Variants in SNTG1 observed in about 807,000 individuals in gnomAD.
SNTG1 encodes syntrophin gamma 1.
SNTG1 carries 39 observed loss-of-function variants against 74.7 expected under a neutral mutation model. That is an observed-to-expected ratio of 0.52 (90% CI 0.40 to 0.68). The LOEUF is 0.68. SNTG1 is among the 30% of genes least tolerant of loss of function. SNTG1 has a pLI of 0.00. For synonymous variants in SNTG1, 254 were observed against 217.1 expected (o/e 1.17, Z -1.49); for missense variants, 685 against 609.5 (o/e 1.12, Z -1.30).
chr8:50,127,266 G>T (rs922602592), intron 1 of SNTG1, among the ~76,000 whole-genome samples: 1 of 152,124 alleles, frequency 6.6e-6, no homozygotes, highest in Admixed American at 6.6e-5. Flanking sequence ...CATTTACTGT[G>T]ACTTTTAGTA....
At chr8:50,689,381 G>A (rs563923165) in intron 15 of SNTG1, among the ~76,000 whole-genome samples, 6 of 152,028 alleles carry the variant, frequency 3.9e-5, no homozygotes, top group Non-Finnish European at 7.4e-5. Context: ...ATTGGCTGTG[G>A]GTTTGTCATA....
chr8:50,052,556 A>G (rs2130885688), intron 1 of SNTG1, among the ~76,000 whole-genome samples: 1 of 152,248 alleles, frequency 6.6e-6, no homozygotes, highest in Middle Eastern at 3.4e-3. Flanking sequence ...CAAGGAAAAA[A>G]TTTAAAAGTA....
chr8:50,112,741 T>G (rs2080648720), intron 1 of SNTG1, among the ~76,000 whole-genome samples: 1 of 152,054 alleles, frequency 6.6e-6, no homozygotes, highest in African/African-American at 2.4e-5. Context: ...CAGGCTGGTC[T>G]CAAGTGATCC....
intron 1 of SNTG1, among the ~76,000 whole-genome samples, chr8:49,981,354 G>T (rs1812662472): frequency 1.3e-5 from 2 of 152,140 alleles, no homozygotes; most frequent in African/African-American, 4.8e-5. Context: ...GTCTTCTAAG[G>T]CCTCAGGCTC....
At chr8:50,487,408 A>T (rs560420217) in intron 8 of SNTG1, among the ~76,000 whole-genome samples, 1 of 152,272 alleles carries the variant, frequency 6.6e-6, no homozygotes, top group South Asian at 2.1e-4. Context: ...TTGTGGCATT[A>T]TTCACAATAG....
rs182226488 is a variant in SNTG1 at position 50,784,340 on chromosome 8, G to A, written c.1396-8331G>A. Among the ~76,000 whole-genome samples the A allele has an allele frequency of 5.1e-3, 775 of 151,858 alleles. 6 individuals are homozygous for A. The highest frequency in any genetic ancestry group is 0.01 in the Middle Eastern group (3 of 294). On this transcript the variant is annotated intron_variant, in intron 18 of 18. Coordinates refer to ENST00000642720, the MANE Select transcript of SNTG1 (RefSeq NM_018967.5). ...CACACATGTAGGTTGCAAATAAAAG[G>A]ATACAAATATATATATCTTGTATAT...
chr8:50,698,411 G>A (rs1563757401), intron 15 of SNTG1, among the ~76,000 whole-genome samples: 1 of 152,072 alleles, frequency 6.6e-6, no homozygotes, highest in Non-Finnish European at 1.5e-5. Flanking sequence ...AGCTGCCCCA[G>A]GCCTTAGGAG....
intron 2 of SNTG1, among the ~76,000 whole-genome samples, chr8:50,239,930 C>G (rs1022118114): frequency 1.3e-5 from 2 of 152,140 alleles, no homozygotes; most frequent in African/African-American, 4.8e-5. Flanking sequence ...ATTTAAAAAT[C>G]CCAATTCTCC....
At chr8:50,216,453 GC>G (rs2084796966) in intron 2 of SNTG1, among the ~76,000 whole-genome samples, 1 of 152,182 alleles carries the variant, frequency 6.6e-6, no homozygotes, top group South Asian at 2.1e-4. Flanking sequence ...TAAGAGTCTG[GC>G]ATGAGGGAAA....
chr8:50,283,574 C>A (rs1413918240), intron 2 of SNTG1, among the ~76,000 whole-genome samples: 1 of 152,124 alleles, frequency 6.6e-6, no homozygotes, highest in Non-Finnish European at 1.5e-5. Context: ...TCAATTCCAG[C>A]ATCCTTTAGT....
chr8:50,641,320 C>T lies in SNTG1; in HGVS notation c.850-15589C>T, dbSNP rs190797405. ...CAAAAGATAATTCTGCTTCCTGCTT[C>T]ATTGAGAAAATTGAAGCAATCGGAG... On this transcript the variant is annotated intron_variant, in intron 13 of 18. Coordinates refer to ENST00000642720, the MANE Select transcript of SNTG1 (RefSeq NM_018967.5). Among the ~76,000 whole-genome samples the T allele has an allele frequency of 7.9e-4, 120 of 152,294 alleles. 2 individuals carry two copies. Among genetic ancestry groups the T allele is most frequent in the Admixed American group, 2.5e-3 (38 of 15,294 alleles).
At chr8:50,111,759 G>A in intron 1 of SNTG1, among the ~76,000 whole-genome samples, 1 of 152,156 alleles carries the variant, frequency 6.6e-6, no homozygotes, top group Admixed American at 6.5e-5. Flanking sequence ...CTAGGAAACT[G>A]AAATTATGAG....
In SNTG1 at chr8:50,222,383, G is replaced by A. The variant is rs192731269; in HGVS notation, c.-28+49748G>A. ...AGGAATGACCAAGGGTAGTTTGGAG[G>A]TTAAAGGCACATCTCTTTCACTGTC... On this transcript the variant is annotated intron_variant, in intron 2 of 18. Coordinates refer to ENST00000642720, the MANE Select transcript of SNTG1 (RefSeq NM_018967.5). Among the ~76,000 whole-genome samples the A allele has an allele frequency of 1.6e-3, 241 of 152,210 alleles. 1 individual carries two copies. Among genetic ancestry groups the A allele is most frequent in the African/African-American group, 5.6e-3 (231 of 41,558 alleles).
At chr8:50,226,889 T>C (rs1015905989) in intron 2 of SNTG1, among the ~76,000 whole-genome samples, 4 of 152,210 alleles carry the variant, frequency 2.6e-5, no homozygotes, top group Non-Finnish European at 4.4e-5. Context: ...AGTTTGACTC[T>C]TTTCATCAAC....
intron 9 of SNTG1, among the ~76,000 whole-genome samples, chr8:50,518,177 G>A (rs778211443): frequency 6.6e-6 from 1 of 152,120 alleles, no homozygotes; most frequent in East Asian, 1.9e-4. Context: ...CAACTACATG[G>A]AAAATGAACA....
At chr8:50,167,337 A>C (rs1282896235) in intron 1 of SNTG1, among the ~76,000 whole-genome samples, 1 of 146,854 alleles carries the variant, frequency 6.8e-6, no homozygotes, top group African/African-American at 2.6e-5. Flanking sequence ...ATAAAATAAA[A>C]AAAAAAATCT....
At chr8:50,209,117 C>G (rs1006287025) in intron 2 of SNTG1, among the ~76,000 whole-genome samples, 2 of 152,176 alleles carry the variant, frequency 1.3e-5, no homozygotes, top group East Asian at 3.9e-4. Flanking sequence ...TGGAGCCTCA[C>G]TCACTGCTAG....
intron 4 of SNTG1, among the ~76,000 whole-genome samples, chr8:50,430,660 G>A (rs1269087778): frequency 1.3e-5 from 2 of 152,138 alleles, no homozygotes; most frequent in Non-Finnish European, 2.9e-5. Flanking sequence ...CAGAAATGTG[G>A]TCTTGGTTGG....
At chr8:50,734,721 TTATATATCTATATATATGGA>T (rs2095521477) in intron 17 of SNTG1, among the ~76,000 whole-genome samples, 2 of 142,800 alleles carry the variant, frequency 1.4e-5, no homozygotes, top group Non-Finnish European at 3.1e-5. Context: ...TATATGGACA[TTATATATCTATATATATGGA>T]CATGTATATA....
Sources: gnomAD v4.1 joint callset for allele counts (sites outside exome capture counted in the v4.1 genomes callset) on GRCh38, gnomAD v4.1.1 for gene constraint, MANE v1.5 for transcripts, NCBI Gene and HGNC (gene_info 2026-07-23, HGNC 2026-07-21) for gene names.